The following UBE2E2 variants were observed in gnomAD, a reference collection of about 807,000 sequenced individuals.
UBE2E2 encodes the protein ubiquitin-conjugating enzyme E2 E2.
In UBE2E2, 6 loss-of-function variants were observed where a neutral mutation model predicts 24.7. That is an observed-to-expected ratio of 0.24 (90% CI 0.13 to 0.48). The LOEUF is 0.48. Ranked by LOEUF, UBE2E2 falls within the 20% of genes least tolerant of loss-of-function variation. The probability of loss-of-function intolerance (pLI) is 0.99; values close to 1 mark genes in which losing one functional copy is unlikely to be tolerated. For missense variants in UBE2E2, 169 were observed against 245.0 expected, an observed-to-expected ratio of 0.69 and a Z score of 2.07; for synonymous variants, 104 against 83.6, an observed-to-expected ratio of 1.24 and a Z score of -1.33.
chr3:23,483,167 A>G (rs562416799), intron 3 of UBE2E2, among the ~76,000 whole-genome samples: 67 of 152,296 alleles, frequency 4.4e-4, no homozygotes, highest in African/African-American at 1.5e-3. Context: ...TTGCTGTCAG[A>G]GTGTTGCATG....
chr3:23,555,941 A>C (rs1695768764), intron 5 of UBE2E2, among the ~76,000 whole-genome samples: 1 of 152,100 alleles, frequency 6.6e-6, no homozygotes, highest in East Asian at 1.9e-4. Flanking sequence ...TCTCGTGTGC[A>C]ACATAAGGAC....
intron 3 of UBE2E2, among the ~76,000 whole-genome samples, chr3:23,394,436 A>G (rs1057327810): frequency 6.6e-6 from 1 of 152,186 alleles, no homozygotes; most frequent in Non-Finnish European, 1.5e-5. Flanking sequence ...GTTCAGCCTT[A>G]TCATGGGAAA....
intron 5 of UBE2E2, among the ~76,000 whole-genome samples, chr3:23,561,167 A>C (rs1695919653): frequency 6.6e-6 from 1 of 152,146 alleles, no homozygotes; most frequent in South Asian, 2.1e-4. Flanking sequence ...CCTGAATGGT[A>C]TTGCCTAGGT....
intron 1 of UBE2E2, among the ~76,000 whole-genome samples, chr3:23,205,389 A>C (rs1696120098): frequency 6.6e-6 from 1 of 152,222 alleles, no homozygotes; most frequent in Non-Finnish European, 1.5e-5. Context: ...ATTTTAATTC[A>C]GGAATTTTTA....
intron 3 of UBE2E2, among the ~76,000 whole-genome samples, chr3:23,363,177 T>C (rs1185908318): frequency 6.6e-6 from 1 of 152,214 alleles, no homozygotes; most frequent in Non-Finnish European, 1.5e-5. Context: ...AAGACTGTGT[T>C]ACCAACCATC....
chr3:23,420,458 T>G (rs1697769780), intron 3 of UBE2E2, among the ~76,000 whole-genome samples: 1 of 152,220 alleles, frequency 6.6e-6, no homozygotes, highest in Non-Finnish European at 1.5e-5. Flanking sequence ...GACATATTAT[T>G]CAGGCTTTTT....
rs199679364 is a variant in UBE2E2, at chr3:23,588,410, G to GTT, written c.509-1312_509-1311dup. Among the ~76,000 whole-genome samples, 226 of 129,990 alleles carry GTT rather than the reference G, an allele frequency of 1.7e-3. 3 individuals are homozygous for GTT. Among genetic ancestry groups the GTT allele is most frequent in the South Asian group, 0.01 (45 of 4,344 alleles). The allele number at this position is 129,990 out of a possible 152,430, so 85.3% of individuals were successfully genotyped here. On this transcript the variant is annotated intron_variant, in intron 5 of 5. Transcript: ENST00000396703. ...TTGCTTTTTGTTTTTTTGTTTTTTT[G>GTT]TTTTTTTTTTTTTGTCTTTTTTTTT...
intron 3 of UBE2E2, among the ~76,000 whole-genome samples, chr3:23,332,178 C>T (rs977215433): frequency 6.6e-6 from 1 of 152,008 alleles, no homozygotes; most frequent in Non-Finnish European, 1.5e-5. Context: ...GATGGGGTTT[C>T]GGTCGCCCAG....
intron 3 of UBE2E2, among the ~76,000 whole-genome samples, chr3:23,271,563 T>C (rs1490413060): frequency 6.6e-6 from 1 of 152,186 alleles, no homozygotes; most frequent in Non-Finnish European, 1.5e-5. Flanking sequence ...GAGAGCTGAT[T>C]GGTCCATTTT....
intron 3 of UBE2E2, among the ~76,000 whole-genome samples, chr3:23,398,089 G>T (rs1177890683): frequency 6.6e-6 from 1 of 152,104 alleles, no homozygotes; most frequent in African/African-American, 2.4e-5. Flanking sequence ...AAGGCTGGTG[G>T]ATCACCTGAG....
At chr3:23,228,503 A>G (rs1229084359) in intron 3 of UBE2E2, among the ~76,000 whole-genome samples, 1 of 152,138 alleles carries the variant, frequency 6.6e-6, no homozygotes, top group African/African-American at 2.4e-5. Context: ...CTGAAACTGT[A>G]TTCTTTCATG....
chr3:23,491,108 G>A (rs1309537412), intron 3 of UBE2E2, among the ~76,000 whole-genome samples: 1 of 152,084 alleles, frequency 6.6e-6, no homozygotes, highest in East Asian at 1.9e-4. Flanking sequence ...TTCTATCAGC[G>A]CTATTATATC....
chr3:23,266,072 C>T (rs1209548157), intron 3 of UBE2E2, among the ~76,000 whole-genome samples: 1 of 152,218 alleles, frequency 6.6e-6, no homozygotes, highest in Non-Finnish European at 1.5e-5. Flanking sequence ...CTGAATACAG[C>T]ACACTGATGG....
intron 3 of UBE2E2, among the ~76,000 whole-genome samples, chr3:23,319,133 A>G (rs1666895594): frequency 6.6e-6 from 1 of 152,250 alleles, no homozygotes; most frequent in Admixed American, 6.5e-5. Context: ...CCGTAAGCCA[A>G]ATTTGTATTG....
At chr3:23,353,845 C>G (rs1236336790) in intron 3 of UBE2E2, among the ~76,000 whole-genome samples, 2 of 152,170 alleles carry the variant, frequency 1.3e-5, no homozygotes, top group Non-Finnish European at 1.5e-5. Context: ...CCATCCCCAT[C>G]AAGCTACCAA....
intron 5 of UBE2E2, among the ~76,000 whole-genome samples, chr3:23,554,395 G>A (rs1695723934): frequency 6.6e-6 from 1 of 152,232 alleles, no homozygotes; most frequent in African/African-American, 2.4e-5. Context: ...CATGCCTGTA[G>A]CCTAAGCTAC....
intron 3 of UBE2E2, among the ~76,000 whole-genome samples, chr3:23,300,840 G>A (rs1699057360): frequency 6.6e-6 from 1 of 152,124 alleles, no homozygotes. Context: ...TGCCTTGCTA[G>A]ATTGGGGAAG....
Position 23,292,062 on chromosome 3 carries a change from G to T in UBE2E2, c.227+74750G>T, listed in dbSNP as rs541000147. 4.4e-4 allele frequency among the ~76,000 whole-genome samples: 67 copies of T among 152,086 alleles called. No homozygotes were observed. In the Middle Eastern group the frequency reaches 0.01, roughly 23 times the overall value. ...TTTAGTAGAGACGGGGTTTCACCGT[G>T]TTAACCAGGATGGTCTTGATCTCCT... is the stretch of plus-strand genomic sequence containing the variant. On this transcript the variant is annotated intron_variant, in intron 3 of 5. Transcript: ENST00000396703.
chr3:23,380,812 A>AT (rs755243688), intron 3 of UBE2E2, among the ~76,000 whole-genome samples: 31 of 151,448 alleles, frequency 2.0e-4, no homozygotes, highest in African/African-American at 3.6e-4. Flanking sequence ...AGGTTAAGTG[A>AT]TTTTTTTTTG....
Sources: allele counts gnomAD v4.1 joint callset (sites outside exome capture counted in the v4.1 genomes callset), GRCh38; gene constraint gnomAD v4.1.1; transcripts MANE v1.5; gene names NCBI Gene and HGNC (gene_info 2026-07-23, HGNC 2026-07-21).